The following MAP1B variants were observed in gnomAD, a reference collection of about 807,000 sequenced individuals.
MAP1B encodes microtubule-associated protein 1B.
A neutral mutation model predicts 176.1 loss-of-function variants in MAP1B; 12 were observed. That is an observed-to-expected ratio of 0.07 (90% CI 0.04 to 0.11). MAP1B has a LOEUF of 0.11. Among genes scored for constraint, MAP1B ranks in the 10% least tolerant of loss-of-function variants. The pLI is 1.00. For missense variants in MAP1B, 2,523 were observed against 2,990.5 expected, an observed-to-expected ratio of 0.84 and a Z score of 3.65; for synonymous variants, 1,044 against 1,135.0, an observed-to-expected ratio of 0.92 and a Z score of 1.61.
At position 72,199,546 on chromosome 5, in the gene MAP1B, T is replaced by G. The variant is rs370486196; in HGVS notation, c.6191T>G (p.Leu2064Arg). The stretch of plus-strand genomic sequence containing the variant: ...ACATATTCCTACGAGACTTCAGACC[T>G]ATGCTACACTGCAGAAAAGAAGTCC... ...ASTYSYETSDLCYTAEKKSPS... is the reference protein window; with the variant it reads ...ASTYSYETSDRCYTAEKKSPS... Residue 2064 changes from leucine (L) to arginine (R), a missense_variant, in exon 5 of 7, where the codon CTA (leucine) becomes CGA (arginine). By Grantham distance (102) the Leu-to-Arg change is moderately radical. Around this residue, in one of 4 missense-constraint regions of MAP1B, gnomAD observed 1,925 missense variants for 2,126.0 expected, o/e 0.91. Transcript: ENST00000296755. The surrounding 1 kb of genome is among the most constrained non-coding windows in gnomAD (Gnocchi z 4.2). 6.2e-7 allele frequency: 1 copy of G among 1,614,176 alleles called. No individual in the cohort carries two copies. Among genetic ancestry groups the G allele is most frequent in the Non-Finnish European group, 8.5e-7 (1 of 1,180,042 alleles).
chr5:72,155,777 T>TC (rs1256680805), intron 2 of MAP1B, among the ~76,000 whole-genome samples: 4 of 150,116 alleles, frequency 2.7e-5, no homozygotes, highest in African/African-American at 9.8e-5. Flanking sequence ...TTTTTTTTTT[T>TC]TTTTTTTGAG....
chr5:72,157,155 G>A (rs996101861), intron 2 of MAP1B, among the ~76,000 whole-genome samples: 5 of 152,150 alleles, frequency 3.3e-5, no homozygotes, highest in Admixed American at 1.3e-4. Context: ...AATTGTAACC[G>A]TATGCAAATC....
In MAP1B at chr5:72,198,981, G is replaced by A. The variant is rs374709573; in HGVS notation, c.5626G>A (p.Glu1876Lys). ...GDFSYAYQKP[E>K]ETTRSPDEED... ...CTTTAGCTATGCCTATCAAAAGCCTGAGGAAACAACCAGGTCCCCAGATGA... is the reference window on the plus strand; with the variant it reads ...CTTTAGCTATGCCTATCAAAAGCCTAAGGAAACAACCAGGTCCCCAGATGA... The change falls in exon 5 of 7, where the codon GAG becomes AAG. Residue 1876 changes from glutamate (E) to lysine (K), a missense_variant. Physicochemically the swap from Glu to Lys is moderately conservative, Grantham distance 56. Transcript: ENST00000296755. The A allele has an allele frequency of 2.4e-5, 39 of 1,614,088 alleles. No homozygotes were observed. Among genetic ancestry groups the A allele is most frequent in the Non-Finnish European group, 2.9e-5 (34 of 1,180,042 alleles).
intron 4 of MAP1B, among the ~76,000 whole-genome samples, chr5:72,187,530 C>G (rs1746934270): frequency 6.6e-6 from 1 of 152,158 alleles, no homozygotes; most frequent in South Asian, 2.1e-4. Context: ...ATCCCCATAG[C>G]AGGTTGGGGC....
intron 3 of MAP1B, 80 bp downstream of exon 3, chr5:72,183,905 A>T (rs2112213219): frequency 8.1e-7 from 1 of 1,234,838 alleles, no homozygotes; most frequent in East Asian, 2.3e-5. Flanking sequence ...GGGCTGGGCA[A>T]ATGGGGGCAG....
chr5:72,205,331 G>C lies in MAP1B; in HGVS notation c.*92G>C. 1 of 1,318,496 alleles carries C rather than the reference G, an allele frequency of 7.6e-7. No individual in the cohort carries two copies. The highest frequency in any genetic ancestry group is 1.1e-6 in the Non-Finnish European group (1 of 945,726). 81.7% of individuals were successfully genotyped at this position (1,318,496 alleles called of 1,614,324 possible). A position where few individuals can be genotyped will look rare whatever the true frequency, so the allele number is the denominator to read the frequency against. ...CTTTTCTAAAAAGTCAATTCATCTA[G>C]TTAAGTCGCTGAACAATTACCTGCC... is the stretch of plus-strand genomic sequence containing the variant. On this transcript the variant is annotated 3_prime_UTR_variant, in exon 7 of 7. Coordinates refer to ENST00000296755, the MANE Select transcript of MAP1B (RefSeq NM_005909.5).
chr5:72,157,434 G>A (rs565016988), intron 2 of MAP1B, among the ~76,000 whole-genome samples: 1 of 152,304 alleles, frequency 6.6e-6, no homozygotes, highest in African/African-American at 2.4e-5. Context: ...TATTTGAAAT[G>A]CAAATAGCAG....
intron 2 of MAP1B, among the ~76,000 whole-genome samples, chr5:72,148,459 A>G (rs1254938261): frequency 6.6e-6 from 1 of 152,250 alleles, no homozygotes; most frequent in Non-Finnish European, 1.5e-5. Flanking sequence ...TTTCAAATTA[A>G]TTGCAGAAAG....
At chr5:72,114,719 A>AT (rs1745402881) in intron 1 of MAP1B, among the ~76,000 whole-genome samples, 1 of 152,222 alleles carries the variant, frequency 6.6e-6, no homozygotes, top group Non-Finnish European at 1.5e-5. Context: ...CCTCTGGGCC[A>AT]TCCCCTTTGG....
chr5:72,153,209 G>A (rs933938347), intron 2 of MAP1B, among the ~76,000 whole-genome samples: 8 of 152,038 alleles, frequency 5.3e-5, no homozygotes, highest in African/African-American at 1.7e-4. Flanking sequence ...AGGAGGCAGC[G>A]GGTTAGCTGT....
chr5:72,128,901 C>A (rs1428366427), intron 2 of MAP1B, among the ~76,000 whole-genome samples: 1 of 152,202 alleles, frequency 6.6e-6, no homozygotes, highest in Non-Finnish European at 1.5e-5. Flanking sequence ...AGTCCTCCTG[C>A]CTTGGCCTCC....
chr5:72,159,336 C>G (rs1580000569), intron 2 of MAP1B, among the ~76,000 whole-genome samples: 1 of 152,190 alleles, frequency 6.6e-6, no homozygotes, highest in Admixed American at 6.5e-5. Flanking sequence ...CTCTGTTGTC[C>G]CTACATTTGG....
intron 4 of MAP1B, 122 bp from the exon 5 acceptor site, chr5:72,193,744 T>G: frequency 6.5e-6 from 7 of 1,081,118 alleles, no homozygotes; most frequent in Non-Finnish European, 9.0e-6. Context: ...AGAGTGCATG[T>G]CTGAAACTGG....
chr5:72,118,162 C>T (rs1307529772), intron 2 of MAP1B, among the ~76,000 whole-genome samples: 1 of 152,108 alleles, frequency 6.6e-6, no homozygotes, highest in Non-Finnish European at 1.5e-5. Context: ...GAACATTTTC[C>T]TTTAGAGTTT....
Position 72,116,540 on chromosome 5 carries a change from C to T in MAP1B, c.286+741C>T, listed in dbSNP as rs979549347. ...GCTATGATCTGACCCATGCCTCTGG[C>T]GCTGGAGATGTATTCATACTGACCC... On this transcript the variant is annotated intron_variant, in intron 2 of 6. Coordinates refer to ENST00000296755, the MANE Select transcript of MAP1B (RefSeq NM_005909.5). The T allele has an allele frequency of 9.8e-5, 33 of 336,828 alleles. No individual in the cohort carries two copies. In the Admixed American group the frequency reaches 1.3e-3, roughly 14 times the overall value. The allele number at this position is 336,828 out of a possible 1,614,324, so 20.9% of individuals were successfully genotyped here. A position where few individuals can be genotyped will look rare whatever the true frequency, so the allele number is the denominator to read the frequency against.
intron 2 of MAP1B, among the ~76,000 whole-genome samples, chr5:72,175,181 C>T (rs1246664189): frequency 6.6e-6 from 1 of 151,712 alleles, no homozygotes; most frequent in Non-Finnish European, 1.5e-5. Flanking sequence ...CCTCCCACCT[C>T]AGCCTCCCGA....
intron 2 of MAP1B, among the ~76,000 whole-genome samples, chr5:72,171,925 A>G (rs143448289): frequency 8.1e-4 from 124 of 152,360 alleles, no homozygotes; most frequent in Non-Finnish European, 8.1e-4. Context: ...CGAATGATCC[A>G]TCTCCACCTC....
Position 72,122,881 on chromosome 5 carries a change from G to A in MAP1B, c.286+7082G>A, listed in dbSNP as rs150585013. On this transcript the variant is annotated intron_variant, in intron 2 of 6. Transcript: ENST00000296755. ...CTAACCAAGGACAGCACCTCATGCT[G>A]AGTGTCACTGCTTTTGTCTTCATCT... 1.2e-3 allele frequency among the ~76,000 whole-genome samples: 189 copies of A among 152,268 alleles called. 1 individual carries two copies. The highest frequency in any genetic ancestry group is 4.1e-3 in the African/African-American group (169 of 41,554).
In MAP1B at chr5:72,197,402, T is replaced by C. The variant is rs1432001290; in HGVS notation, c.4047T>C (p.Pro1349=). Residue 1349 remains proline (P), a synonymous_variant, in exon 5 of 7, where the codon CCT becomes CCC. Coordinates refer to ENST00000296755, the MANE Select transcript of MAP1B (RefSeq NM_005909.5). ...CTGACGAGAAATCCAGTCATCTCCC[T>C]ACAGAAGTCATTGAAAAACCACCAG... The part of the protein sequence containing the change: ...SPTDEKSSHL[P]TEVIEKPPAV... 3.7e-6 allele frequency: 6 copies of C among 1,614,096 alleles called. No homozygotes were observed. Among genetic ancestry groups the C allele is most frequent in the Non-Finnish European group, 5.1e-6 (6 of 1,180,034 alleles).
Sources: allele counts gnomAD v4.1 joint callset (sites outside exome capture counted in the v4.1 genomes callset), GRCh38; gene constraint gnomAD v4.1.1; regional missense constraint gnomAD v4.1.1; non-coding constraint Gnocchi (gnomAD v3.1); transcripts MANE v1.5; gene names NCBI Gene and HGNC (gene_info 2026-07-23, HGNC 2026-07-21).